Variants in WWOX observed in about 807,000 individuals in gnomAD.
WWOX encodes WW domain-containing oxidoreductase.
Under a neutral mutation model 46.2 loss-of-function variants are expected in WWOX, and 69 were observed. That is an observed-to-expected ratio of 1.49 (90% CI 1.23 to 1.82). The LOEUF (loss-of-function observed/expected upper bound fraction) is 1.82. WWOX is among the 40% of genes most tolerant of loss of function. The pLI is 0.00. For missense variants in WWOX, 919 were observed against 542.6 expected (o/e 1.69, Z -6.89); for synonymous variants, 359 against 202.6 (o/e 1.77, Z -6.56).
chr16:78,425,043 C>G lies in WWOX; in HGVS notation c.779C>G (p.Ser260Ter), dbSNP rs878855021. The G allele has an allele frequency of 6.2e-7, 1 of 1,613,862 alleles. No homozygotes were observed. Among genetic ancestry groups the G allele is most frequent in the Non-Finnish European group, 8.5e-7 (1 of 1,180,028 alleles). ...SAPARVIVVS[S>*]ESHRFTDIND... ...CCTGCCCGTGTCATTGTGGTCTCCT[C>G]AGAGTCCCATCGGTGGGTTTGAATT... Residue 260 changes from serine (S) to a stop codon, truncating the protein, a stop_gained, in exon 7 of 9, where the codon TCA becomes TGA. Coordinates refer to ENST00000566780, the MANE Select transcript of WWOX (RefSeq NM_016373.4). LOFTEE classifies it high-confidence loss of function.
At chr16:78,807,156 A>G (rs1048835851) in intron 8 of WWOX, among the ~76,000 whole-genome samples, 2 of 152,334 alleles carry the variant, frequency 1.3e-5, no homozygotes, top group South Asian at 2.1e-4. Context: ...CATTATGGCC[A>G]TTATTTAGGT....
chr16:78,225,630 T>C (rs1034571301), intron 5 of WWOX, among the ~76,000 whole-genome samples: 2 of 152,314 alleles, frequency 1.3e-5, no homozygotes, highest in Admixed American at 1.3e-4. Context: ...CCATGAGGAA[T>C]TGGGTAAGGA....
At chr16:78,166,801 C>G (rs919343367) in intron 5 of WWOX, 1 of 152,174 alleles carries the variant, frequency 6.6e-6, no homozygotes, top group African/African-American at 2.4e-5. Flanking sequence ...TCATGATCTA[C>G]ACACCTAGGC....
chr16:78,462,284 G>A (rs1356182467), intron 8 of WWOX, among the ~76,000 whole-genome samples: 5 of 151,720 alleles, frequency 3.3e-5, no homozygotes, highest in Non-Finnish European at 7.4e-5. Flanking sequence ...GGTAGCAGGA[G>A]CTTTCAAAGT....
At chr16:79,131,055 C>A (rs2049867996) in intron 8 of WWOX, among the ~76,000 whole-genome samples, 1 of 152,182 alleles carries the variant, frequency 6.6e-6, no homozygotes, top group African/African-American at 2.4e-5. Flanking sequence ...GACCAGCAGG[C>A]TTCTCTTTTT....
At chr16:78,973,962 T>C (rs946107328) in intron 8 of WWOX, among the ~76,000 whole-genome samples, 2 of 152,252 alleles carry the variant, frequency 1.3e-5, no homozygotes, top group African/African-American at 4.8e-5. Flanking sequence ...CCTACGATTA[T>C]TTCAAGGTGA....
chr16:78,962,751 CAG>C (rs1406434191), intron 8 of WWOX, among the ~76,000 whole-genome samples: 2 of 152,126 alleles, frequency 1.3e-5, no homozygotes, highest in African/African-American at 2.4e-5. Context: ...CAGATCAAGA[CAG>C]AGAACATTTC....
intron 8 of WWOX, among the ~76,000 whole-genome samples, chr16:78,767,625 A>C (rs1333075162): frequency 2.0e-5 from 3 of 151,936 alleles, no homozygotes; most frequent in Non-Finnish European, 4.4e-5. Flanking sequence ...TGTGTGCTTA[A>C]CCTTTTGAGA....
At chr16:78,246,884 A>G (rs2037830746) in intron 5 of WWOX, among the ~76,000 whole-genome samples, 1 of 152,086 alleles carries the variant, frequency 6.6e-6, no homozygotes, top group East Asian at 1.9e-4. Flanking sequence ...GAGAGAGGAA[A>G]TAAATCCTTG....
rs139396818 is a variant in WWOX at position 78,404,176 on chromosome 16, C to T, written c.605+17228C>T. 4.3e-3 allele frequency among the ~76,000 whole-genome samples: 648 copies of T among 151,994 alleles called. 3 individuals are homozygous for T. Among genetic ancestry groups the T allele is most frequent in the Non-Finnish European group, 4.0e-3 (272 of 67,978 alleles). ...GATAATGGTAACAGAGGGAGGGACT[C>T]GGGGGTTTTTTAAAAAGTACTGATT... On this transcript the variant is annotated intron_variant, in intron 6 of 8. Coordinates refer to ENST00000566780, the MANE Select transcript of WWOX (RefSeq NM_016373.4).
intron 5 of WWOX, among the ~76,000 whole-genome samples, chr16:78,253,001 C>G (rs562274246): frequency 6.8e-4 from 103 of 152,304 alleles, no homozygotes; most frequent in African/African-American, 2.4e-3. Flanking sequence ...GTAATATCAT[C>G]TATTTACGTA....
Position 78,631,796 on chromosome 16 carries a change from G to A in WWOX, c.1056+199044G>A, listed in dbSNP as rs148299294. Among the ~76,000 whole-genome samples the A allele has an allele frequency of 9.9e-5, 15 of 152,236 alleles. No individual in the cohort carries two copies. The South Asian group carries it at 1.0e-3, about 11-fold the overall frequency. ...TCACCTGGGTCTCCCAAAGTGTTGG[G>A]ATTATAGGTGTGAACCACCATACCC... is the stretch of plus-strand genomic sequence containing the variant. On this transcript the variant is annotated intron_variant, in intron 8 of 8. Transcript: ENST00000566780.
At chr16:79,116,477 T>A (rs1223937792) in intron 8 of WWOX, among the ~76,000 whole-genome samples, 2 of 152,220 alleles carry the variant, frequency 1.3e-5, no homozygotes, top group African/African-American at 4.8e-5. Flanking sequence ...ATGTTCAGTG[T>A]TCGCCTTCAG....
chr16:78,652,083 G>T (rs1261597504), intron 8 of WWOX, among the ~76,000 whole-genome samples: 1 of 152,116 alleles, frequency 6.6e-6, no homozygotes, highest in East Asian at 1.9e-4. Context: ...CAGATGTCCA[G>T]AAGCCAGCTT....
intron 4 of WWOX, among the ~76,000 whole-genome samples, chr16:78,138,348 G>GT (rs1397745067): frequency 7.1e-6 from 1 of 140,686 alleles, no homozygotes; most frequent in Non-Finnish European, 1.6e-5. Flanking sequence ...TAACTGATTT[G>GT]TTTTTTATAA....
At chr16:78,180,022 T>C (rs1046676422) in intron 5 of WWOX, among the ~76,000 whole-genome samples, 2 of 152,214 alleles carry the variant, frequency 1.3e-5, no homozygotes, top group Non-Finnish European at 2.9e-5. Flanking sequence ...AAGTTGCAAA[T>C]AACTTGTTGT....
chr16:78,468,405 G>C (rs2084136039), intron 8 of WWOX, among the ~76,000 whole-genome samples: 1 of 151,874 alleles, frequency 6.6e-6, no homozygotes, highest in Non-Finnish European at 1.5e-5. Flanking sequence ...CGGCAAAAAA[G>C]AGAATTGCAC....
At chr16:78,448,593 T>C in intron 8 of WWOX, among the ~76,000 whole-genome samples, 1 of 152,108 alleles carries the variant, frequency 6.6e-6, no homozygotes, top group Non-Finnish European at 1.5e-5. Flanking sequence ...CTTTATTCAA[T>C]GGCCATGGAA....
At chr16:79,013,780 C>T (rs753825899) in intron 8 of WWOX, among the ~76,000 whole-genome samples, 1 of 152,196 alleles carries the variant, frequency 6.6e-6, no homozygotes, top group Non-Finnish European at 1.5e-5. Flanking sequence ...CTCATTTCTT[C>T]TTATTTTTTT....
Sources: gnomAD v4.1 joint callset for allele counts (sites outside exome capture counted in the v4.1 genomes callset) on GRCh38, gnomAD v4.1.1 for gene constraint, MANE v1.5 for transcripts, NCBI Gene and HGNC (gene_info 2026-07-23, HGNC 2026-07-21) for gene names.